Variants in OPCML observed in about 807,000 individuals in gnomAD.
The protein encoded by OPCML is opioid binding protein/cell adhesion molecule like, also known as opioid-binding protein/cell adhesion molecule.
OPCML carries 13 observed loss-of-function variants against 37.8 expected under a neutral mutation model. That is an observed-to-expected ratio of 0.34 (90% CI 0.22 to 0.55). The LOEUF (loss-of-function observed/expected upper bound fraction) is 0.55, where lower values mean the gene tolerates loss of function less well. Ranked by LOEUF, OPCML falls within the 20% of genes least tolerant of loss-of-function variation. The probability of loss-of-function intolerance (pLI) is 0.91; values close to 1 mark genes in which losing one functional copy is unlikely to be tolerated. For missense variants in OPCML, 341 were observed against 435.6 expected, an observed-to-expected ratio of 0.78 and a Z score of 1.93; for synonymous variants, 176 against 168.8, an observed-to-expected ratio of 1.04 and a Z score of -0.33.
At chr11:132,518,851 G>T (rs533685008) in intron 4 of OPCML, among the ~76,000 whole-genome samples, 2 of 152,260 alleles carry the variant, frequency 1.3e-5, no homozygotes, top group East Asian at 3.9e-4. Context: ...TAGTCTTAAT[G>T]CATTAAATGA....
At chr11:132,999,576 G>A (rs1453059097) in intron 1 of OPCML, among the ~76,000 whole-genome samples, 1 of 146,628 alleles carries the variant, frequency 6.8e-6, no homozygotes, top group Non-Finnish European at 1.5e-5. Flanking sequence ...GGTCGGGGGG[G>A]GAATGCCACC....
chr11:133,516,580 A>T (rs1187706501), intron 1 of OPCML, among the ~76,000 whole-genome samples: 1 of 152,162 alleles, frequency 6.6e-6, no homozygotes, highest in African/African-American at 2.4e-5. Context: ...GAAAAATTCC[A>T]ACTCTACCTT....
intron 1 of OPCML, among the ~76,000 whole-genome samples, chr11:133,267,147 A>C (rs999964202): frequency 6.6e-6 from 1 of 151,864 alleles, no homozygotes; most frequent in Non-Finnish European, 1.5e-5. Context: ...AAGAGTGTAC[A>C]TTTTGGAATT....
intron 1 of OPCML, among the ~76,000 whole-genome samples, chr11:133,349,358 GA>G (rs1377226650): frequency 2.0e-5 from 3 of 152,316 alleles, no homozygotes; most frequent in East Asian, 3.9e-4. Context: ...TAGTTGCTTA[GA>G]TAGCATTGTG....
chr11:132,651,977 A>T (rs536844375), intron 3 of OPCML, among the ~76,000 whole-genome samples: 1 of 152,312 alleles, frequency 6.6e-6, no homozygotes, highest in Non-Finnish European at 1.5e-5. Context: ...AAAAGCAACC[A>T]TAGACGGATC....
intron 2 of OPCML, among the ~76,000 whole-genome samples, chr11:132,854,441 C>G (rs1941963409): frequency 6.6e-6 from 1 of 152,156 alleles, no homozygotes; most frequent in Admixed American, 6.5e-5. Flanking sequence ...TCTCCCCTCC[C>G]TCCAGGTTGG....
At chr11:133,124,019 A>G (rs61910344) in intron 1 of OPCML, among the ~76,000 whole-genome samples, 383 of 152,154 alleles carry the variant, frequency 2.5e-3, no homozygotes, top group Non-Finnish European at 3.9e-3. Context: ...AATGCCAGCA[A>G]TGACTACCAC....
At chr11:132,844,256 G>T (rs1173746143) in intron 2 of OPCML, among the ~76,000 whole-genome samples, 1 of 152,166 alleles carries the variant, frequency 6.6e-6, no homozygotes, top group African/African-American at 2.4e-5. Flanking sequence ...GCGTGAGAAA[G>T]ACTAATACAG....
At chr11:133,230,261 T>A (rs1008358209) in intron 1 of OPCML, among the ~76,000 whole-genome samples, 2 of 152,160 alleles carry the variant, frequency 1.3e-5, no homozygotes, top group Non-Finnish European at 2.9e-5. Context: ...TCTTGGCTCA[T>A]GGTGTCATGA....
intron 1 of OPCML, among the ~76,000 whole-genome samples, chr11:133,237,382 G>T (rs1940561027): frequency 6.6e-6 from 1 of 152,224 alleles, no homozygotes; most frequent in African/African-American, 2.4e-5. Flanking sequence ...TGAGAAGTTA[G>T]TGTGCTCTGG....
intron 1 of OPCML, among the ~76,000 whole-genome samples, chr11:133,274,102 A>T (rs1345639035): frequency 6.6e-6 from 1 of 152,160 alleles, no homozygotes; most frequent in Admixed American, 6.5e-5. Flanking sequence ...TGTTTGTTCA[A>T]ATGCTGTCAT....
chr11:133,202,432 T>C (rs922203618), intron 1 of OPCML, among the ~76,000 whole-genome samples: 4 of 152,174 alleles, frequency 2.6e-5, no homozygotes, highest in Admixed American at 1.3e-4. Flanking sequence ...ATAACAATCA[T>C]TGATGGTGTG....
intron 1 of OPCML, among the ~76,000 whole-genome samples, chr11:133,131,103 C>T (rs947981186): frequency 1.3e-5 from 2 of 152,024 alleles, no homozygotes; most frequent in Non-Finnish European, 2.9e-5. Flanking sequence ...GCTTTTGTAC[C>T]TCCCACCATG....
chr11:132,831,300 A>G (rs1056729071), intron 2 of OPCML, among the ~76,000 whole-genome samples: 1 of 150,492 alleles, frequency 6.6e-6, no homozygotes, highest in South Asian at 2.1e-4. Context: ...ATGCTCATTT[A>G]GCAGACAATG....
chr11:132,745,580 A>AAAAGAAAGAAAG (rs1230655418), intron 2 of OPCML, among the ~76,000 whole-genome samples: 1 of 87,554 alleles, frequency 1.1e-5, no homozygotes, highest in African/African-American at 4.5e-5. Context: ...AAAAAAAAAA[A>AAAAGAAAGAAAG]AAAGAAAGAA....
At chr11:133,374,529 A>G (rs1253811224) in intron 1 of OPCML, among the ~76,000 whole-genome samples, 2 of 152,218 alleles carry the variant, frequency 1.3e-5, no homozygotes, top group African/African-American at 4.8e-5. Context: ...TGTGGGGAGC[A>G]TTCTTGTCAA....
At chr11:133,190,102 A>G (rs1029996121) in intron 1 of OPCML, among the ~76,000 whole-genome samples, 6 of 152,232 alleles carry the variant, frequency 3.9e-5, no homozygotes, top group Non-Finnish European at 8.8e-5. Flanking sequence ...ACAGTAGCAC[A>G]CACAAATGTG....
chr11:132,415,872 G>C lies in OPCML; in HGVS notation c.*4321C>G, dbSNP rs1031050417. 1 of 152,588 alleles carries C rather than the reference G, an allele frequency of 6.6e-6. No individual in the cohort carries two copies. Among genetic ancestry groups the C allele is most frequent in the African/African-American group, 2.4e-5 (1 of 41,438 alleles). The allele number at this position is 152,588 out of a possible 1,614,324, so 9.5% of individuals were successfully genotyped here. A position where few individuals can be genotyped will look rare whatever the true frequency, so the allele number is the denominator to read the frequency against. On this transcript the variant is annotated 3_prime_UTR_variant, in exon 8 of 8. Coordinates refer to ENST00000524381, the MANE Select transcript of OPCML (RefSeq NM_001012393.5). ...AGAAATGTGGGAAATGAGACTGGCA[G>C]TTTTGTTTGTTTGCATGTGGTGATC...
chr11:132,568,731 G>T (rs1189373701), intron 3 of OPCML, among the ~76,000 whole-genome samples: 2 of 152,304 alleles, frequency 1.3e-5, no homozygotes, highest in African/African-American at 4.8e-5. Flanking sequence ...AACTGTGAGA[G>T]AATACATTTC....
Sources: gnomAD v4.1 joint callset for allele counts (sites outside exome capture counted in the v4.1 genomes callset) on GRCh38, gnomAD v4.1.1 for gene constraint, MANE v1.5 for transcripts, NCBI Gene and HGNC (gene_info 2026-07-23, HGNC 2026-07-21) for gene names.